The following TLE3 variants were observed in gnomAD, a reference collection of about 807,000 sequenced individuals.
TLE3 encodes transducin-like enhancer protein 3.
A neutral mutation model predicts 93.0 loss-of-function variants in TLE3; 14 were observed. The observed-to-expected ratio is 0.15, with a 90% CI of 0.10 to 0.24. The LOEUF (loss-of-function observed/expected upper bound fraction) is 0.24. Ranked by LOEUF, TLE3 falls within the 10% of genes least tolerant of loss-of-function variation. TLE3 has a pLI of 1.00. For synonymous variants in TLE3, 451 were observed against 425.0 expected (o/e 1.06, Z -0.75); for missense variants, 693 against 1,046.6 (o/e 0.66, Z 4.66).
In TLE3 at chr15:70,097,657, C is replaced by G. The variant is rs931885118; in HGVS notation, c.-859G>C. On this transcript the variant is annotated 5_prime_UTR_variant, in exon 1 of 20. Coordinates refer to ENST00000451782, the MANE Select transcript of TLE3 (RefSeq NM_001105192.3). Reference sequence around the variant, plus strand: ...ACCGCCGCTGCCGCGTCGGAGCGCACAGGCAGGAGAGCGCTGGAGGGGAGA... The same window carrying G: ...ACCGCCGCTGCCGCGTCGGAGCGCAGAGGCAGGAGAGCGCTGGAGGGGAGA... The G allele has an allele frequency of 2.5e-6, 1 of 398,050 alleles. No individual in the cohort carries two copies. The highest frequency in any genetic ancestry group is 2.1e-5 in the African/African-American group (1 of 48,584). The allele number at this position is 398,050 out of a possible 1,614,324, so 24.7% of individuals were successfully genotyped here. A position where few individuals can be genotyped will look rare whatever the true frequency, so the allele number is the denominator to read the frequency against.
intron 4 of TLE3, among the ~76,000 whole-genome samples, chr15:70,094,253 T>C (rs2058443777): frequency 6.6e-6 from 1 of 151,638 alleles, no homozygotes; most frequent in African/African-American, 2.4e-5. Context: ...GTAAAGCAGA[T>C]CCTGGAGGTA....
chr15:70,064,426 C>T lies in TLE3; in HGVS notation c.594+28G>A, dbSNP rs368872912. On this transcript the variant is annotated intron_variant, in intron 8 of 19. Coordinates refer to ENST00000451782, the MANE Select transcript of TLE3 (RefSeq NM_001105192.3). Reference sequence around the variant, plus strand: ...ACCTCCTCCCAGCACCCAAACACCCCTCCGGGTTCCAGAGTGCCAACACTT... The same window carrying T: ...ACCTCCTCCCAGCACCCAAACACCCTTCCGGGTTCCAGAGTGCCAACACTT... 9 of 1,613,348 alleles carry T rather than the reference C, an allele frequency of 5.6e-6. No individual in the cohort carries two copies. In the African/African-American group the frequency reaches 1.1e-4, roughly 19 times the overall value.
intron 6 of TLE3, among the ~76,000 whole-genome samples, chr15:70,071,996 C>T (rs368705720): frequency 2.6e-5 from 4 of 152,236 alleles, no homozygotes; most frequent in Non-Finnish European, 5.9e-5. Context: ...CACGGCTCCC[C>T]AGTGCGAGCA....
rs548020928 is a variant in TLE3, at chr15:70,049,796, G to A, written c.*301C>T. 1.2e-4 allele frequency: 35 copies of A among 295,310 alleles called. No homozygotes were observed. The highest frequency in any genetic ancestry group is 4.9e-4 in the South Asian group (10 of 20,614). 18.3% of individuals were successfully genotyped at this position (295,310 alleles called of 1,614,324 possible). On this transcript the variant is annotated 3_prime_UTR_variant, in exon 20 of 20. Coordinates refer to ENST00000451782, the MANE Select transcript of TLE3 (RefSeq NM_001105192.3). ...GAAGAACAAACAGAGACTCATGAGC[G>A]GGTCTGTGGGGGAACCGGAGCCATA...
At position 70,097,419 on chromosome 15, in the gene TLE3, G is replaced by T. The variant is rs1368296892; in HGVS notation, c.-621C>A. ...GGGCGCTTCGACGCCCCCCCTCGGA[G>T]AGGAGAGCCTGCTGTTCCGTCTGCT... On this transcript the variant is annotated 5_prime_UTR_variant, in exon 1 of 20. Coordinates refer to ENST00000451782, the MANE Select transcript of TLE3 (RefSeq NM_001105192.3). 2 of 412,128 alleles carry T rather than the reference G, an allele frequency of 4.9e-6. No homozygotes were observed. The highest frequency in any genetic ancestry group is 8.5e-6 in the Non-Finnish European group (2 of 234,204). The allele number at this position is 412,128 out of a possible 1,614,324, so 25.5% of individuals were successfully genotyped here. A position where few individuals can be genotyped will look rare whatever the true frequency, so the allele number is the denominator to read the frequency against.
At chr15:70,088,372 CTCCT>C (rs1378463039) in intron 4 of TLE3, among the ~76,000 whole-genome samples, 2 of 152,190 alleles carry the variant, frequency 1.3e-5, no homozygotes, top group Admixed American at 6.5e-5. Context: ...CCTTAAGTTT[CTCCT>C]TAACCCCAAC....
chr15:70,082,454 A>G (rs560589897), intron 4 of TLE3, among the ~76,000 whole-genome samples: 2 of 152,274 alleles, frequency 1.3e-5, no homozygotes, highest in Admixed American at 6.5e-5. Flanking sequence ...CAAATGATCT[A>G]TGCAGCAGCC....
Position 70,055,118 on chromosome 15 carries a change from C to T in TLE3, c.1509G>A (p.Lys503=), listed in dbSNP as rs1157957232. 1.9e-6 allele frequency: 3 copies of T among 1,614,062 alleles called. No homozygotes were observed. The highest frequency in any genetic ancestry group is 1.1e-5 in the South Asian group (1 of 91,090). The change falls in exon 15 of 20, where the codon AAG becomes AAA. Residue 503 remains lysine, a synonymous_variant. Transcript: ENST00000451782. ...NPTRHVYTGG[K]GCVKIWDISQ... is the part of the protein sequence containing the mutation. ...TGATGTCCCAGATCTTCACGCAGCC[C>T]TTGCCACCTGTGTAGACGTGCCTCG...
chr15:70,095,380 C>T (rs1233761980), intron 3 of TLE3, 198 bp downstream of exon 3: 5 of 1,451,456 alleles, frequency 3.4e-6, no homozygotes, highest in Non-Finnish European at 4.5e-6. Flanking sequence ...CTGCCCCTCC[C>T]CTCACTCACC....
chr15:70,095,479 C>T, intron 3 of TLE3, 99 bp downstream of exon 3: 15 of 1,545,798 alleles, frequency 9.7e-6, no homozygotes, highest in South Asian at 1.2e-5. Context: ...TGCGGCTGGG[C>T]GGTGGTGGGG....
chr15:70,052,318 G>C, intron 18 of TLE3, 56 bp downstream of exon 18: 1 of 1,590,524 alleles, frequency 6.3e-7, no homozygotes, highest in Non-Finnish European at 8.6e-7. Flanking sequence ...TGTTGGGCCA[G>C]GCTGCCCTGG....
chr15:70,092,994 G>A lies in TLE3; in HGVS notation c.234+1538C>T, dbSNP rs1231242004. ...ACAGGGCAGACAAAGGGAGGAAGTG[G>A]CACCCTGCATACACCCCAAGGTCCT... On this transcript the variant is annotated intron_variant, in intron 4 of 19. Transcript: ENST00000451782. 2.0e-5 allele frequency among the ~76,000 whole-genome samples: 3 copies of A among 152,146 alleles called. No homozygotes were observed. The East Asian group carries it at 5.8e-4, about 29-fold the overall frequency.
intron 15 of TLE3, 46 bp downstream of exon 15, chr15:70,055,003 C>T (rs373069910): frequency 6.5e-7 from 1 of 1,546,208 alleles, no homozygotes; most frequent in Admixed American, 1.9e-5. Context: ...GCTGCCCCAT[C>T]CTCCTACACC....
chr15:70,053,121 C>A, intron 17 of TLE3, 106 bp downstream of exon 17: 1 of 1,424,422 alleles, frequency 7.0e-7, no homozygotes, highest in Non-Finnish European at 9.4e-7. Flanking sequence ...AGTCTCTTGG[C>A]CGTGGCCACT....
chr15:70,082,931 C>T (rs1043764243), intron 4 of TLE3, among the ~76,000 whole-genome samples: 4 of 152,182 alleles, frequency 2.6e-5, no homozygotes, highest in African/African-American at 9.7e-5. Context: ...GGAATCCCAC[C>T]TCCTCTTTTC....
At chr15:70,053,492 G>T in intron 16 of TLE3, 118 bp from the exon 17 acceptor site, 1 of 1,208,352 alleles carries the variant, frequency 8.3e-7, no homozygotes, top group Non-Finnish European at 1.1e-6. Flanking sequence ...AGTGCACTAT[G>T]CGCATGGTCC....
At chr15:70,081,437 C>T (rs1378932647) in intron 4 of TLE3, among the ~76,000 whole-genome samples, 1 of 152,242 alleles carries the variant, frequency 6.6e-6, no homozygotes, top group Non-Finnish European at 1.5e-5. Context: ...GTCTTCAGAG[C>T]ACGAGCCATT....
rs539155489 is a variant in TLE3, at chr15:70,058,596, T to C, written c.918+67A>G. On this transcript the variant is annotated intron_variant, in intron 11 of 19. Transcript: ENST00000451782. This position sits in a 1 kb window ranked among gnomAD's most constrained non-coding sequence, Gnocchi z 4.1. ...CCCACTCCACCCCTCTGCCTGCCAA[T>C]CGGCACCACCCCAGCTCCAGTCCCT... 1.6e-4 allele frequency: 238 copies of C among 1,498,734 alleles called. 1 individual carries two copies. The African/African-American group carries it at 3.0e-3, about 19-fold the overall frequency. The allele number at this position is 1,498,734 out of a possible 1,614,324, so 92.8% of individuals were successfully genotyped here. A position where few individuals can be genotyped will look rare whatever the true frequency, so the allele number is the denominator to read the frequency against.
intron 1 of TLE3, 48 bp from the exon 2 acceptor site, chr15:70,096,309 C>A (rs748253355): frequency 6.5e-7 from 1 of 1,548,604 alleles, no homozygotes; most frequent in Non-Finnish European, 8.7e-7. Flanking sequence ...GGCATGAGAC[C>A]GCGCTCAGAG....
Sources: gnomAD v4.1 joint callset for allele counts (sites outside exome capture counted in the v4.1 genomes callset) on GRCh38, gnomAD v4.1.1 for gene constraint, Gnocchi (gnomAD v3.1) non-coding constraint, MANE v1.5 for transcripts, NCBI Gene and HGNC (gene_info 2026-07-23, HGNC 2026-07-21) for gene names.